CDKN1B: variants seen among roughly 807,000 people sequenced by gnomAD.
CDKN1B encodes the protein cyclin dependent kinase inhibitor 1B, also known as cyclin-dependent kinase inhibitor 1B.
In CDKN1B, 7 loss-of-function variants were observed where a neutral mutation model predicts 17.1. The observed-to-expected ratio is 0.41, with a 90% confidence interval of 0.23 to 0.77. CDKN1B has a LOEUF of 0.77. Among genes scored for constraint, CDKN1B ranks in the 30% least tolerant of loss-of-function variants. The pLI, the probability that CDKN1B is intolerant of heterozygous loss-of-function variation, is 0.33. For synonymous variants in CDKN1B, 149 were observed against 104.3 expected (o/e 1.43, Z -2.61); for missense variants, 337 against 262.0 (o/e 1.29, Z -1.98).
At chr12:12,719,048 A>T in intron 2 of CDKN1B, 94 bp downstream of exon 2, 1 of 1,533,668 alleles carries the variant, frequency 6.5e-7, no homozygotes, top group South Asian at 1.1e-5. Flanking sequence ...TTAAAAGCTT[A>T]TGGGGTTTTG....
rs1174071842 is a variant in CDKN1B, at chr12:12,717,967, G to T, written c.128G>T (p.Arg43Leu). 1 of 1,614,206 alleles carries T rather than the reference G, an allele frequency of 6.2e-7. No individual in the cohort carries two copies. The highest frequency in any genetic ancestry group is 8.5e-7 in the Non-Finnish European group (1 of 1,180,036). ...FGPVDHEELT[R>L]DLEKHCRDME... ...CCGGTGGACCACGAAGAGTTAACCC[G>T]GGACTTGGAGAAGCACTGCAGAGAC... The change falls in exon 1 of 3, where the codon CGG (arginine) becomes CTG (leucine). Residue 43 changes from arginine to leucine, a missense_variant. Transcript: ENST00000228872.
In CDKN1B at chr12:12,722,016, T is replaced by C. The variant is rs765093404; in HGVS notation, c.*989T>C. On this transcript the variant is annotated 3_prime_UTR_variant, in exon 3 of 3. Coordinates refer to ENST00000228872, the MANE Select transcript of CDKN1B (RefSeq NM_004064.5). ...GTTCATGTAGAGAAAAGCACACTTG[T>C]AGGATAAGTGAAATGGATACTACAT... 6.6e-6 allele frequency: 1 copy of C among 152,276 alleles called. No individual in the cohort carries two copies. Among genetic ancestry groups the C allele is most frequent in the Non-Finnish European group, 1.5e-5 (1 of 68,048 alleles). 9.4% of individuals were successfully genotyped at this position (152,276 alleles called of 1,614,324 possible).
rs1197510010 is a variant in CDKN1B at position 12,718,942 on chromosome 12, C to A, written c.593C>A (p.Thr198Lys). ...AAGCCTGGCCTCAGAAGACGTCAAA[C>A]GTAAACAGCTCGGTGGGTTGATCAC... ...PKKPGLRRRQ[T>K] The change falls in exon 2 of 3, where the codon ACG becomes AAG. Residue 198 changes from threonine to lysine, a missense_variant. Physicochemically the swap from Thr to Lys is moderately conservative, Grantham distance 78 (BLOSUM62 -1). Transcript: ENST00000228872. 3 of 1,613,892 alleles carry A rather than the reference C, an allele frequency of 1.9e-6. No individual in the cohort carries two copies. The highest frequency in any genetic ancestry group is 1.3e-5 in the African/African-American group (1 of 74,902).
In CDKN1B at chr12:12,717,675, G is replaced by C. The variant is rs1441134995; in HGVS notation, c.-165G>C. On this transcript the variant is annotated 5_prime_UTR_variant, in exon 1 of 3. Transcript: ENST00000228872. ...CGGGGCTTCCCCGCAGCCCCTGCGC[G>C]CTCCTAGAGCTCGGGCCGTGGCTCG... 2.0e-6 allele frequency: 3 copies of C among 1,507,936 alleles called. No homozygotes were observed. Among genetic ancestry groups the C allele is most frequent in the Admixed American group, 4.4e-5 (2 of 45,636 alleles). The allele number at this position is 1,507,936 out of a possible 1,614,324, so 93.4% of individuals were successfully genotyped here.
intron 2 of CDKN1B, among the ~76,000 whole-genome samples, chr12:12,719,704 T>G (rs1691036634): frequency 6.6e-6 from 1 of 152,204 alleles, no homozygotes; most frequent in East Asian, 1.9e-4. Flanking sequence ...AACAGGGTGA[T>G]TTGGATATTT....
intron 1 of CDKN1B, 120 bp downstream of exon 1, chr12:12,718,434 T>G: frequency 1.1e-6 from 1 of 901,206 alleles, no homozygotes; most frequent in East Asian, 2.6e-5. Context: ...CTAACTTTAT[T>G]GGTCTTAGGT....
intron 2 of CDKN1B, chr12:12,719,517 C>T (rs997144139): frequency 6.6e-6 from 1 of 152,666 alleles, no homozygotes; most frequent in Admixed American, 6.5e-5. Context: ...CCTGTTGTCT[C>T]CTAAGTTTGG....
chr12:12,717,577 T>G lies in CDKN1B; in HGVS notation c.-263T>G, dbSNP rs1946478602. On this transcript the variant is annotated 5_prime_UTR_variant, in exon 1 of 3. Transcript: ENST00000228872. ...GGACGGGCTTTGCCACCCTCTCCGC[T>G]TGCCTGGTCCCCTCTCCTCTCCGCC... 1 of 1,420,812 alleles carries G rather than the reference T, an allele frequency of 7.0e-7. No individual in the cohort carries two copies. The highest frequency in any genetic ancestry group is 1.4e-5 in the African/African-American group (1 of 69,364). The allele number at this position is 1,420,812 out of a possible 1,614,324, so 88.0% of individuals were successfully genotyped here.
rs577334956 is a variant in CDKN1B, at chr12:12,718,706, A to G, written c.476-119A>G. Reference sequence around the variant, plus strand: ...AAAAGCCACTGGGGATGACGGATCCAGGATTGTGGGTGGAGGTAGTGGGTT... The same window carrying G: ...AAAAGCCACTGGGGATGACGGATCCGGGATTGTGGGTGGAGGTAGTGGGTT... On this transcript the variant is annotated intron_variant, in intron 1 of 2. Transcript: ENST00000228872. 2.0e-3 allele frequency: 2,289 copies of G among 1,172,722 alleles called. 4 individuals carry two copies. The highest frequency in any genetic ancestry group is 2.6e-3 in the Non-Finnish European group (2,083 of 786,854). 72.6% of individuals were successfully genotyped at this position (1,172,722 alleles called of 1,614,324 possible).
chr12:12,717,539 C>A lies in CDKN1B; in HGVS notation c.-301C>A. ...GGTTCGCGGGACCCGCGGGCTTGCA[C>A]CCGCCCAGACTCGGACGGGCTTTGC... On this transcript the variant is annotated 5_prime_UTR_variant, in exon 1 of 3. Transcript: ENST00000228872. 7.2e-7 allele frequency: 1 copy of A among 1,396,338 alleles called. No individual in the cohort carries two copies. The highest frequency in any genetic ancestry group is 9.3e-7 in the Non-Finnish European group (1 of 1,075,640). 86.5% of individuals were successfully genotyped at this position (1,396,338 alleles called of 1,614,324 possible).
At chr12:12,719,628 G>C (rs1343135170) in intron 2 of CDKN1B, 1 of 152,852 alleles carries the variant, frequency 6.5e-6, no homozygotes, top group East Asian at 1.9e-4. Context: ...CAAAGCAGAA[G>C]TTAAATTAAC....
chr12:12,718,736 ATC>A, intron 1 of CDKN1B, 87 bp from the exon 2 acceptor site: 1 of 1,507,444 alleles, frequency 6.6e-7, no homozygotes, highest in Non-Finnish European at 9.2e-7. Context: ...TGGGTTTTTC[ATC>A]CCCTGACTAT....
At chr12:12,720,256 T>C (rs960646525) in intron 2 of CDKN1B, among the ~76,000 whole-genome samples, 1 of 152,198 alleles carries the variant, frequency 6.6e-6, no homozygotes, top group Non-Finnish European at 1.5e-5. Flanking sequence ...CAGACCTGGA[T>C]TTTGATCTGG....
rs1946484110 is a variant in CDKN1B, at chr12:12,717,794, T to G, written c.-46T>G. ...GGCGCTTTGTTTTGTTCGGTTTTGT[T>G]TTTTTGAGAGTGCGAGAGAGGCGGT... On this transcript the variant is annotated 5_prime_UTR_variant, in exon 1 of 3. Coordinates refer to ENST00000228872, the MANE Select transcript of CDKN1B (RefSeq NM_004064.5). 1 of 1,609,084 alleles carries G rather than the reference T, an allele frequency of 6.2e-7. No homozygotes were observed. Among genetic ancestry groups the G allele is most frequent in the South Asian group, 1.1e-5 (1 of 90,994 alleles).
At chr12:12,719,040 A>AT (rs1485328653) in intron 2 of CDKN1B, 86 bp downstream of exon 2, 3 of 1,556,190 alleles carry the variant, frequency 1.9e-6, no homozygotes, top group Non-Finnish European at 2.6e-6. Flanking sequence ...CTGGCAAATT[A>AT]AAAGCTTATG....
chr12:12,719,608 A>C (rs184805329), intron 2 of CDKN1B: 1 of 152,812 alleles, frequency 6.5e-6, no homozygotes, highest in Non-Finnish European at 1.5e-5. Flanking sequence ...TTCTGGTAAC[A>C]CTGAAGTTGC....
In CDKN1B at chr12:12,717,522, G is replaced by A; in HGVS notation, c.-318G>A. On this transcript the variant is annotated 5_prime_UTR_variant, in exon 1 of 3. Coordinates refer to ENST00000228872, the MANE Select transcript of CDKN1B (RefSeq NM_004064.5). ...GGTTTGGAGAGCGGCTGGGTTCGCG[G>A]GACCCGCGGGCTTGCACCCGCCCAG... 1 of 1,381,182 alleles carries A rather than the reference G, an allele frequency of 7.2e-7. No homozygotes were observed. Among genetic ancestry groups the A allele is most frequent in the African/African-American group, 1.5e-5 (1 of 68,886 alleles). 85.6% of individuals were successfully genotyped at this position (1,381,182 alleles called of 1,614,324 possible).
In CDKN1B at chr12:12,717,635, A is replaced by G. The variant is rs1946479853; in HGVS notation, c.-205A>G. ...TCGCCAGTCCATTTGATCAGCGGAG[A>G]CTCGGCGGCCGGGCCGGGGCTTCCC... On this transcript the variant is annotated 5_prime_UTR_variant, in exon 1 of 3. Transcript: ENST00000228872. The G allele has an allele frequency of 4.1e-6, 6 of 1,463,990 alleles. No homozygotes were observed. In the East Asian group the frequency reaches 1.5e-4, roughly 36 times the overall value. 90.7% of individuals were successfully genotyped at this position (1,463,990 alleles called of 1,614,324 possible).
chr12:12,718,114 C>T lies in CDKN1B; in HGVS notation c.275C>T (p.Pro92Leu), dbSNP rs1253618733. 2 of 1,614,208 alleles carry T rather than the reference C, an allele frequency of 1.2e-6. No homozygotes were observed. The highest frequency in any genetic ancestry group is 8.5e-7 in the Non-Finnish European group (1 of 1,180,044). ...TTGCCCGAGTTCTACTACAGACCCC[C>T]GCGGCCCCCCAAAGGTGCCTGCAAG... ...GSLPEFYYRP[P>L]RPPKGACKVP... The change falls in exon 1 of 3, where the codon CCG becomes CTG. Residue 92 changes from proline to leucine, a missense_variant. Transcript: ENST00000228872.
Sources: gnomAD v4.1 joint callset for allele counts (sites outside exome capture counted in the v4.1 genomes callset) on GRCh38, gnomAD v4.1.1 for gene constraint, MANE v1.5 for transcripts, NCBI Gene and HGNC (gene_info 2026-07-23, HGNC 2026-07-21) for gene names.